CACNA2D1: variants seen among roughly 807,000 people sequenced by gnomAD.
CACNA2D1 encodes voltage-dependent calcium channel subunit alpha-2/delta-1.
In CACNA2D1, 53 loss-of-function variants were observed where a neutral mutation model predicts 171.5. That is an observed-to-expected ratio of 0.31 (90% CI 0.25 to 0.39). The LOEUF (loss-of-function observed/expected upper bound fraction) is 0.39. CACNA2D1 is among the 10% of genes least tolerant of loss of function. CACNA2D1 has a pLI of 1.00. For missense variants in CACNA2D1, 903 were observed against 1,299.8 expected (o/e 0.69, Z 4.69); for synonymous variants, 442 against 443.1 (o/e 1.00, Z 0.03).
intron 1 of CACNA2D1, among the ~76,000 whole-genome samples, chr7:82,371,149 AAAT>A (rs1822362599): frequency 2.6e-5 from 4 of 152,174 alleles, no homozygotes; most frequent in Admixed American, 2.6e-4. Context: ...ATCTTTTGCA[AAAT>A]AATGCATAGT....
At chr7:81,973,936 G>T (rs1795564382) in intron 25 of CACNA2D1, among the ~76,000 whole-genome samples, 1 of 151,786 alleles carries the variant, frequency 6.6e-6, no homozygotes, top group African/African-American at 2.4e-5. Flanking sequence ...CCTCATAAAT[G>T]AAAAATTACA....
chr7:82,423,043 T>G (rs1288003741), intron 1 of CACNA2D1, among the ~76,000 whole-genome samples: 2 of 152,128 alleles, frequency 1.3e-5, no homozygotes, highest in African/African-American at 4.8e-5. Context: ...CTTGAAAACT[T>G]TTAATTGCCT....
intron 11 of CACNA2D1, among the ~76,000 whole-genome samples, chr7:82,037,794 A>G (rs1803488415): frequency 1.3e-5 from 2 of 152,344 alleles, no homozygotes; most frequent in Admixed American, 6.5e-5. Flanking sequence ...AGGCCAATTA[A>G]GTTTCAAGTG....
intron 9 of CACNA2D1, among the ~76,000 whole-genome samples, chr7:82,062,783 C>T (rs935429784): frequency 1.5e-5 from 2 of 133,644 alleles, no homozygotes; most frequent in Non-Finnish European, 3.1e-5. Context: ...GCTCTGTTGC[C>T]CAGGCTGGAG....
chr7:82,435,421 C>G (rs1015609375), intron 1 of CACNA2D1, among the ~76,000 whole-genome samples: 2 of 152,154 alleles, frequency 1.3e-5, no homozygotes, highest in Admixed American at 1.3e-4. Context: ...CTCCCACTCT[C>G]ACAACATCAA....
intron 23 of CACNA2D1, among the ~76,000 whole-genome samples, 200 bp downstream of exon 23, chr7:81,983,114 A>C (rs1358307015): frequency 2.0e-5 from 3 of 152,180 alleles, no homozygotes; most frequent in East Asian, 1.9e-4. Flanking sequence ...CCAAGAAAAA[A>C]ACTTGAATGT....
At chr7:82,425,343 A>G (rs1829076594) in intron 1 of CACNA2D1, among the ~76,000 whole-genome samples, 1 of 152,158 alleles carries the variant, frequency 6.6e-6, no homozygotes, top group African/African-American at 2.4e-5. Flanking sequence ...AATGCAGTCC[A>G]GGCAACACCT....
chr7:82,117,828 T>G (rs1046151803), intron 5 of CACNA2D1, among the ~76,000 whole-genome samples: 3 of 151,948 alleles, frequency 2.0e-5, no homozygotes, highest in Non-Finnish European at 4.4e-5. Flanking sequence ...AATAAGAAAC[T>G]AGAGAGGTGC....
intron 3 of CACNA2D1, among the ~76,000 whole-genome samples, chr7:82,306,801 T>G (rs1433005754): frequency 6.6e-6 from 1 of 151,492 alleles, no homozygotes; most frequent in African/African-American, 2.4e-5. Context: ...TAAATAAAAT[T>G]GGCTACATTT....
chr7:82,258,467 T>C (rs1232748087), intron 3 of CACNA2D1, among the ~76,000 whole-genome samples: 4 of 152,164 alleles, frequency 2.6e-5, no homozygotes, highest in Non-Finnish European at 5.9e-5. Context: ...AGGTCCATCA[T>C]CTGAGCCCTC....
chr7:82,013,480 G>A lies in CACNA2D1; in HGVS notation c.1253C>T (p.Ala418Val). Reference protein sequence around the residue: ...GYYYEIPSIGAIRINTQEYLD... With the variant: ...GYYYEIPSIGVIRINTQEYLD... ...TCATACCTGAGTATTGATTCTTATTGCACCAATGGAAGGAATTTCATAATA... is the reference window on the plus strand; with the variant it reads ...TCATACCTGAGTATTGATTCTTATTACACCAATGGAAGGAATTTCATAATA... Residue 418 changes from alanine (A) to valine (V), a missense_variant, in exon 14 of 39, where the codon GCA becomes GTA. Around this residue, in one of 5 missense-constraint regions of CACNA2D1, gnomAD observed 623 missense variants for 925.5 expected, o/e 0.67. Coordinates refer to ENST00000356860, the MANE Select transcript of CACNA2D1 (RefSeq NM_000722.4). 2.8e-6 allele frequency: 3 copies of A among 1,084,068 alleles called. No individual in the cohort carries two copies. The highest frequency in any genetic ancestry group is 3.8e-6 in the Non-Finnish European group (3 of 779,448). The allele number at this position is 1,084,068 out of a possible 1,614,324, so 67.2% of individuals were successfully genotyped here. A position where few individuals can be genotyped will look rare whatever the true frequency, so the allele number is the denominator to read the frequency against.
chr7:82,279,999 G>A (rs1809871927), intron 3 of CACNA2D1, among the ~76,000 whole-genome samples: 1 of 152,016 alleles, frequency 6.6e-6, no homozygotes, highest in African/African-American at 2.4e-5. Flanking sequence ...TATTTTCTAT[G>A]TCTTCTCTTT....
At chr7:82,129,386 A>G (rs911296337) in intron 5 of CACNA2D1, among the ~76,000 whole-genome samples, 3 of 152,198 alleles carry the variant, frequency 2.0e-5, no homozygotes, top group African/African-American at 7.2e-5. Context: ...CTGGGAAGAC[A>G]GGACTTATGA....
intron 1 of CACNA2D1, among the ~76,000 whole-genome samples, chr7:82,392,594 G>A (rs904219012): frequency 1.1e-4 from 17 of 152,318 alleles, no homozygotes; most frequent in Admixed American, 1.1e-3. Context: ...TGGCAGGCCT[G>A]GGGCCAAGCA....
At chr7:81,963,281 G>C (rs1031371537) in intron 34 of CACNA2D1, among the ~76,000 whole-genome samples, 2 of 151,598 alleles carry the variant, frequency 1.3e-5, no homozygotes, top group African/African-American at 4.8e-5. Context: ...ATTTTAGCTG[G>C]GCAAACCTCA....
intron 3 of CACNA2D1, among the ~76,000 whole-genome samples, chr7:82,210,805 G>A (rs1472335731): frequency 2.0e-5 from 3 of 152,088 alleles, no homozygotes; most frequent in Non-Finnish European, 4.4e-5. Flanking sequence ...TTCTCCTGTT[G>A]TTTCCCTTTT....
chr7:82,053,786 A>G (rs1264793099), intron 10 of CACNA2D1, among the ~76,000 whole-genome samples: 1 of 152,192 alleles, frequency 6.6e-6, no homozygotes, highest in African/African-American at 2.4e-5. Flanking sequence ...TATTTTAATA[A>G]CTTTTAACTT....
At chr7:82,060,167 T>TATATATATAATATATATATATA (rs1554381642) in intron 10 of CACNA2D1, among the ~76,000 whole-genome samples, 4 of 12,616 alleles carry the variant, frequency 3.2e-4, no homozygotes, top group African/African-American at 6.3e-4. Context: ...ATATATATAA[T>TATATATATAATATATATATATA]ATATATATAT....
chr7:82,220,711 A>G (rs1398330051), intron 3 of CACNA2D1, among the ~76,000 whole-genome samples: 7 of 152,162 alleles, frequency 4.6e-5, no homozygotes, highest in African/African-American at 1.7e-4. Context: ...CATTGCAGAT[A>G]GTGCTGGAAA....
Sources: gnomAD v4.1 joint callset for allele counts (sites outside exome capture counted in the v4.1 genomes callset) on GRCh38, gnomAD v4.1.1 for gene constraint, gnomAD v4.1.1 regional missense constraint, MANE v1.5 for transcripts, NCBI Gene and HGNC (gene_info 2026-07-23, HGNC 2026-07-21) for gene names.